Variants in ZNF536 observed in about 807,000 individuals in gnomAD.
The protein encoded by ZNF536 is zinc finger protein 536.
In ZNF536, 13 loss-of-function variants were observed where a neutral mutation model predicts 84.5. The ratio of observed to expected loss-of-function variants is 0.15; its 90% confidence interval spans 0.10 to 0.24. The LOEUF is 0.24. ZNF536 is among the 10% of genes least tolerant of loss of function. ZNF536 has a pLI of 1.00. For missense variants in ZNF536, 1,536 were observed against 1,747.5 expected (o/e 0.88, Z 2.16); for synonymous variants, 811 against 742.5 (o/e 1.09, Z -1.50).
intron 2 of ZNF536, among the ~76,000 whole-genome samples, chr19:30,343,691 C>T (rs967668676): frequency 1.1e-4 from 17 of 152,162 alleles, no homozygotes; most frequent in African/African-American, 3.1e-4. Flanking sequence ...TTTTTGAGGG[C>T]GTTCCTTTCT....
intron 1 of ZNF536, among the ~76,000 whole-genome samples, chr19:30,426,038 G>A (rs1487353338): frequency 6.6e-6 from 1 of 152,174 alleles, no homozygotes; most frequent in Admixed American, 6.5e-5. Context: ...GTGGGTCGGG[G>A]CTGGTAGCAC....
At chr19:30,602,260 C>T (rs533907272) in intron 1 of ZNF536, among the ~76,000 whole-genome samples, 3 of 152,214 alleles carry the variant, frequency 2.0e-5, no homozygotes, top group Admixed American at 1.3e-4. Context: ...TCCACATCCT[C>T]ATTGGATGTC....
intron 1 of ZNF536, among the ~76,000 whole-genome samples, chr19:30,643,282 G>A (rs1358422581): frequency 6.6e-6 from 1 of 152,062 alleles, no homozygotes; most frequent in Non-Finnish European, 1.5e-5. Flanking sequence ...AATTTGCTGG[G>A]GTATTACTTA....
chr19:30,521,111 G>A (rs1488628366), intron 2 of ZNF536, among the ~76,000 whole-genome samples: 1 of 152,346 alleles, frequency 6.6e-6, no homozygotes. Flanking sequence ...AAGCTTTGGC[G>A]CTTTGCTCAG....
At position 30,383,299 on chromosome 19, in the gene ZNF536, G is replaced by C. The variant is rs528329782; in HGVS notation, c.-3+10743G>C. ...AATGAGACTCTGTCTCAAAAACAAA[G>C]AAACAAACAAACAAAAAAAACAAAT... On this transcript the variant is annotated intron_variant, in intron 1 of 4. Coordinates refer to ENST00000355537, the MANE Select transcript of ZNF536 (RefSeq NM_014717.3). 1.3e-3 allele frequency among the ~76,000 whole-genome samples: 154 copies of C among 120,674 alleles called. 1 individual carries two copies. Among genetic ancestry groups the C allele is most frequent in the Non-Finnish European group, 2.5e-3 (126 of 50,340 alleles). The allele number at this position is 120,674 out of a possible 152,430, so 79.2% of individuals were successfully genotyped here.
At chr19:30,282,637 G>A (rs189753862) in intron 1 of ZNF536, among the ~76,000 whole-genome samples, 7 of 152,288 alleles carry the variant, frequency 4.6e-5, no homozygotes, top group South Asian at 4.1e-4. Flanking sequence ...TAAGGAGGTC[G>A]TAGAGCAAAG....
chr19:30,491,113 G>A (rs2054492427), intron 2 of ZNF536, among the ~76,000 whole-genome samples: 1 of 152,142 alleles, frequency 6.6e-6, no homozygotes, highest in African/African-American at 2.4e-5. Context: ...TAGAGACAAT[G>A]TTGCCTATCT....
At chr19:30,428,280 G>T (rs117412218) in intron 1 of ZNF536, among the ~76,000 whole-genome samples, 1,732 of 152,312 alleles carry the variant, frequency 0.011, 12 homozygotes, top group Non-Finnish European at 0.016. Flanking sequence ...GCAGACGCAG[G>T]CTTTGCAGAG....
intron 1 of ZNF536, among the ~76,000 whole-genome samples, chr19:30,439,171 G>A (rs1027482437): frequency 9.3e-5 from 14 of 150,808 alleles, no homozygotes; most frequent in Admixed American, 2.0e-4. Context: ...GCACACACAC[G>A]CACACACACA....
At chr19:30,298,325 G>C (rs1600124650) in intron 2 of ZNF536, among the ~76,000 whole-genome samples, 1 of 152,178 alleles carries the variant, frequency 6.6e-6, no homozygotes, top group Non-Finnish European at 1.5e-5. Flanking sequence ...CTGGACCATA[G>C]GAGGTATGCC....
At chr19:30,588,390 T>A (rs2047167513) in intron 1 of ZNF536, among the ~76,000 whole-genome samples, 1 of 152,164 alleles carries the variant, frequency 6.6e-6, no homozygotes, top group Non-Finnish European at 1.5e-5. Flanking sequence ...AGGTCCTACC[T>A]GTTTGGCCCC....
chr19:30,566,935 G>A (rs965972728), intron 1 of ZNF536, among the ~76,000 whole-genome samples: 7 of 151,928 alleles, frequency 4.6e-5, no homozygotes, highest in African/African-American at 1.5e-4. Context: ...GGGCAGTGGA[G>A]GGATCCCTGC....
intron 1 of ZNF536, among the ~76,000 whole-genome samples, chr19:30,245,878 T>C (rs4805532): frequency 0.58 from 88,755 of 152,250 alleles, 28,395 homozygotes; most frequent in East Asian, 0.92. Flanking sequence ...GCAGGCCTCT[T>C]GCTTGACATC....
At chr19:30,381,596 G>C (rs1039508248) in intron 1 of ZNF536, among the ~76,000 whole-genome samples, 2 of 152,210 alleles carry the variant, frequency 1.3e-5, no homozygotes, top group South Asian at 2.1e-4. Context: ...GAGCATGAGG[G>C]ACCAGGGAGG....
intron 1 of ZNF536, among the ~76,000 whole-genome samples, chr19:30,625,783 C>T (rs1568614486): frequency 6.6e-6 from 1 of 152,172 alleles, no homozygotes; most frequent in Non-Finnish European, 1.5e-5. Flanking sequence ...TGTAGGCATG[C>T]CATGGACTCT....
chr19:30,244,217 C>T (rs576864903), intron 1 of ZNF536, among the ~76,000 whole-genome samples: 3 of 152,258 alleles, frequency 2.0e-5, no homozygotes, highest in South Asian at 4.1e-4. Context: ...CAGGATTGCT[C>T]ATTTCCCATT....
At chr19:30,513,031 AT>A (rs60036567) in intron 2 of ZNF536, among the ~76,000 whole-genome samples, 7,194 of 151,514 alleles carry the variant, frequency 0.047, 493 homozygotes, top group African/African-American at 0.15. Context: ...ATCATATTTT[AT>A]TTTTTTTTCT....
intron 2 of ZNF536, among the ~76,000 whole-genome samples, chr19:30,490,405 T>C (rs2054462493): frequency 6.6e-6 from 1 of 152,270 alleles, no homozygotes; most frequent in African/African-American, 2.4e-5. Context: ...TTGTGTATCC[T>C]TGTTTAGATC....
intron 3 of ZNF536, among the ~76,000 whole-genome samples, chr19:30,355,869 T>G (rs1245344158): frequency 1.2e-4 from 19 of 152,172 alleles, no homozygotes; most frequent in Admixed American, 3.3e-4. Flanking sequence ...TGGCACAGTT[T>G]CACCCGAAAC....
Sources: gnomAD v4.1 joint callset for allele counts (sites outside exome capture counted in the v4.1 genomes callset) on GRCh38, gnomAD v4.1.1 for gene constraint, MANE v1.5 for transcripts, NCBI Gene and HGNC (gene_info 2026-07-23, HGNC 2026-07-21) for gene names.